The following PRDM16 variants were observed in gnomAD, a reference collection of about 807,000 sequenced individuals.
PRDM16 encodes the protein PR/SET domain 16, also known as histone-lysine N-methyltransferase PRDM16.
A neutral mutation model predicts 110.6 loss-of-function variants in PRDM16; 23 were observed. The observed-to-expected ratio is 0.21, with a 90% CI of 0.15 to 0.29. The LOEUF (loss-of-function observed/expected upper bound fraction) is 0.29, where lower values mean the gene tolerates loss of function less well. Among genes scored for constraint, PRDM16 ranks in the 10% least tolerant of loss-of-function variants. The pLI, the probability that PRDM16 is intolerant of heterozygous loss-of-function variation, is 1.00. For missense variants in PRDM16, 1,615 were observed against 1,794.3 expected, an observed-to-expected ratio of 0.90 and a Z score of 1.81; for synonymous variants, 799 against 781.8, an observed-to-expected ratio of 1.02 and a Z score of -0.37.
At chr1:3,231,710 A>G (rs1204729131) in intron 2 of PRDM16, among the ~76,000 whole-genome samples, 1 of 152,232 alleles carries the variant, frequency 6.6e-6, no homozygotes, top group Admixed American at 6.5e-5. Flanking sequence ...GTCTGCCCAC[A>G]TCTCAGCAAG....
chr1:3,119,466 G>T (rs1382427702), intron 1 of PRDM16, among the ~76,000 whole-genome samples: 1 of 152,236 alleles, frequency 6.6e-6, no homozygotes, highest in African/African-American at 2.4e-5. Flanking sequence ...GGGGGACATG[G>T]GGGCTGAGTT....
intron 3 of PRDM16, among the ~76,000 whole-genome samples, chr1:3,253,015 C>A (rs2100225090): frequency 6.6e-6 from 1 of 152,190 alleles, no homozygotes; most frequent in Non-Finnish European, 1.5e-5. Flanking sequence ...TGTGCAGGAA[C>A]CCCTCGAGCC....
rs1644073144 is a variant in PRDM16, at chr1:3,175,398, T to C, written c.38-10727T>C. On this transcript the variant is annotated intron_variant, in intron 1 of 16. Transcript: ENST00000270722. The surrounding 1 kb of genome is among the most constrained non-coding windows in gnomAD (Gnocchi z 4.8). ...AAGTTGCCTCCGTGCGTGCCTGCTC[T>C]CCCCGATCAGCTCTCCCACAACCAC... Among the ~76,000 whole-genome samples, 1 of 152,154 alleles carries C rather than the reference T, an allele frequency of 6.6e-6. No homozygotes were observed.
intron 3 of PRDM16, among the ~76,000 whole-genome samples, chr1:3,332,022 C>T (rs11800023): frequency 0.027 from 4,107 of 152,334 alleles, 181 homozygotes; most frequent in African/African-American, 0.092. Flanking sequence ...GAACAGGGGA[C>T]GGGCTTGGAG....
chr1:3,165,562 A>T (rs111901167), intron 1 of PRDM16, among the ~76,000 whole-genome samples: 360 of 12,842 alleles, frequency 0.028, 5 homozygotes, highest in African/African-American at 0.044. Flanking sequence ...GGGACTCACC[A>T]GGGCTCAGGG....
At chr1:3,072,298 C>T (rs1045867754) in intron 1 of PRDM16, among the ~76,000 whole-genome samples, 7 of 152,204 alleles carry the variant, frequency 4.6e-5, no homozygotes, top group Non-Finnish European at 5.9e-5. Flanking sequence ...TCACCATCGC[C>T]CTCATAGCAC....
intron 3 of PRDM16, among the ~76,000 whole-genome samples, chr1:3,302,654 C>T (rs1343124504): frequency 6.6e-6 from 1 of 152,214 alleles, no homozygotes; most frequent in African/African-American, 2.4e-5. Flanking sequence ...AGGCACCTTG[C>T]AGCCTCTCTG....
At chr1:3,225,034 G>A (rs1167335859) in intron 2 of PRDM16, among the ~76,000 whole-genome samples, 1 of 152,204 alleles carries the variant, frequency 6.6e-6, no homozygotes, top group African/African-American at 2.4e-5. Flanking sequence ...AGGTGGGGGC[G>A]AGGAGCGCCT....
At chr1:3,424,801 T>G (rs578063156) in intron 12 of PRDM16, 4 of 152,330 alleles carry the variant, frequency 2.6e-5, no homozygotes, top group African/African-American at 9.7e-5. Context: ...GGAGCTGGTC[T>G]GGGAGCTGGT....
chr1:3,180,736 C>G (rs1030331666), intron 1 of PRDM16, among the ~76,000 whole-genome samples: 1 of 131,310 alleles, frequency 7.6e-6, no homozygotes, highest in African/African-American at 3.1e-5. Flanking sequence ...TGAGGGGTCT[C>G]CAGACAGAAG....
intron 2 of PRDM16, among the ~76,000 whole-genome samples, chr1:3,210,409 A>G (rs978149588): frequency 6.6e-6 from 1 of 152,388 alleles, no homozygotes; most frequent in Middle Eastern, 3.4e-3. Flanking sequence ...GCACAGGCTC[A>G]GAAGCCAGGC....
intron 3 of PRDM16, among the ~76,000 whole-genome samples, chr1:3,375,927 A>C (rs532812350): frequency 2.6e-5 from 4 of 152,310 alleles, no homozygotes; most frequent in African/African-American, 9.6e-5. Flanking sequence ...AGAGAGAACT[A>C]AGGGGAAACT....
chr1:3,179,027 G>A (rs936642164), intron 1 of PRDM16, among the ~76,000 whole-genome samples: 2 of 152,230 alleles, frequency 1.3e-5, no homozygotes, highest in Non-Finnish European at 2.9e-5. Flanking sequence ...GGGGTGACCC[G>A]ATGCTGCACC....
chr1:3,276,777 T>G lies in PRDM16; in HGVS notation c.438+32640T>G, dbSNP rs920443373. On this transcript the variant is annotated intron_variant, in intron 3 of 16. Transcript: ENST00000270722. Reference sequence around the variant, plus strand: ...CCCTGGAGAACAGCGCCAGCCGCCTTGTAAATCACCCCTTTGCCCCGTCTG... The same window carrying G: ...CCCTGGAGAACAGCGCCAGCCGCCTGGTAAATCACCCCTTTGCCCCGTCTG... Among the ~76,000 whole-genome samples, 5 of 133,084 alleles carry G rather than the reference T, an allele frequency of 3.8e-5. No individual in the cohort carries two copies. In the Admixed American group the frequency reaches 3.8e-4, roughly 10 times the overall value. 87.3% of individuals were successfully genotyped at this position (133,084 alleles called of 152,430 possible).
intron 3 of PRDM16, among the ~76,000 whole-genome samples, chr1:3,318,156 T>A (rs1257487675): frequency 6.6e-6 from 1 of 152,158 alleles, no homozygotes; most frequent in African/African-American, 2.4e-5. Flanking sequence ...TTTTTTTTTG[T>A]GTGGCTTTCC....
intron 3 of PRDM16, among the ~76,000 whole-genome samples, chr1:3,269,513 G>T (rs1640378816): frequency 6.7e-6 from 1 of 148,232 alleles, no homozygotes; most frequent in East Asian, 2.0e-4. Flanking sequence ...GAGGAGGACA[G>T]TTGGGAGGAG....
intron 2 of PRDM16, among the ~76,000 whole-genome samples, chr1:3,217,011 T>C (rs1460028279): frequency 6.6e-6 from 1 of 152,244 alleles, no homozygotes; most frequent in African/African-American, 2.4e-5. Flanking sequence ...CTGTTCCATG[T>C]CCAAATGTTG....
At chr1:3,163,726 G>A (rs1643919199) in intron 1 of PRDM16, among the ~76,000 whole-genome samples, 1 of 152,260 alleles carries the variant, frequency 6.6e-6, no homozygotes, top group South Asian at 2.1e-4. Context: ...TAGTTTGTAG[G>A]AGCATCGCCC....
intron 3 of PRDM16, among the ~76,000 whole-genome samples, chr1:3,277,827 A>T (rs578231201): frequency 2.6e-5 from 4 of 152,016 alleles, no homozygotes; most frequent in African/African-American, 9.7e-5. Flanking sequence ...GCATATGCAC[A>T]TGCACACACG....
Sources: gnomAD v4.1 joint callset for allele counts (sites outside exome capture counted in the v4.1 genomes callset) on GRCh38, gnomAD v4.1.1 for gene constraint, Gnocchi (gnomAD v3.1) non-coding constraint, MANE v1.5 for transcripts, NCBI Gene and HGNC (gene_info 2026-07-23, HGNC 2026-07-21) for gene names.